PRKCE: variants seen among roughly 807,000 people sequenced by gnomAD.
PRKCE encodes protein kinase C epsilon.
A neutral mutation model predicts 85.4 loss-of-function variants in PRKCE; 16 were observed. The ratio of observed to expected loss-of-function variants is 0.19; its 90% confidence interval spans 0.13 to 0.28. The LOEUF is 0.28. PRKCE is among the 10% of genes least tolerant of loss of function. The probability of loss-of-function intolerance (pLI) is 1.00; values close to 1 mark genes in which losing one functional copy is unlikely to be tolerated. For missense variants in PRKCE, 573 were observed against 975.2 expected (o/e 0.59, Z 5.49); for synonymous variants, 388 against 371.5 (o/e 1.04, Z -0.51).
chr2:45,771,924 G>C (rs1020015334), intron 1 of PRKCE, among the ~76,000 whole-genome samples: 1 of 152,142 alleles, frequency 6.6e-6, no homozygotes, highest in Non-Finnish European at 1.5e-5. Flanking sequence ...GGCATGCTCA[G>C]TCATTGCCAT....
At chr2:45,834,881 T>C (rs139663124) in intron 1 of PRKCE, among the ~76,000 whole-genome samples, 48 of 152,370 alleles carry the variant, frequency 3.2e-4, no homozygotes, top group African/African-American at 1.2e-3. Context: ...TCTAATTATC[T>C]TGTTTTATAT....
intron 11 of PRKCE, among the ~76,000 whole-genome samples, chr2:46,105,654 A>C (rs778852170): frequency 6.6e-6 from 1 of 152,138 alleles, no homozygotes; most frequent in Non-Finnish European, 1.5e-5. Context: ...ATACTCAAGA[A>C]CCACCAGAGA....
rs2104732596 is a variant in PRKCE at position 46,001,976 on chromosome 2, G to A, written c.966+430G>A. Among the ~76,000 whole-genome samples, 1 of 152,288 alleles carries A rather than the reference G, an allele frequency of 6.6e-6. No homozygotes were observed. The highest frequency in any genetic ancestry group is 1.9e-4 in the East Asian group (1 of 5,186). On this transcript the variant is annotated intron_variant, in intron 7 of 14. Transcript: ENST00000306156. This position sits in a 1 kb window ranked among gnomAD's most constrained non-coding sequence, Gnocchi z 4.4. ...TGGAACCACATTCTTTTCTAGGGAG[G>A]AAGCCAAGATGATTTGTGATCATAC...
chr2:46,061,824 ATTTCTTTTCTTTTCT>A (rs529400456), intron 10 of PRKCE, among the ~76,000 whole-genome samples: 31 of 129,292 alleles, frequency 2.4e-4, no homozygotes, highest in African/African-American at 7.0e-4. Context: ...TACGTTAAGT[ATTTCTTTTCTTTTCT>A]TTTCTTTTCT....
At chr2:45,788,284 A>T (rs1686771497) in intron 1 of PRKCE, among the ~76,000 whole-genome samples, 1 of 152,218 alleles carries the variant, frequency 6.6e-6, no homozygotes, top group African/African-American at 2.4e-5. Context: ...TTCAGCTTTC[A>T]TAAAATGGTT....
intron 14 of PRKCE, among the ~76,000 whole-genome samples, chr2:46,171,857 A>G (rs1678933784): frequency 6.6e-6 from 1 of 152,180 alleles, no homozygotes; most frequent in South Asian, 2.1e-4. Flanking sequence ...TCCAGTGGAA[A>G]AGACACCTCA....
At position 46,186,495 on chromosome 2, in the gene PRKCE, A is replaced by ATAAT. The variant is rs1378218778; in HGVS notation, c.*1615_*1618dup. ...AACTTTAGTCTATGAAAGAATAATT[A>ATAAT]TAATAATGTCCAGGTGCAATACTCT... On this transcript the variant is annotated 3_prime_UTR_variant, in exon 15 of 15. Coordinates refer to ENST00000306156, the MANE Select transcript of PRKCE (RefSeq NM_005400.3). 1.3e-5 allele frequency: 2 copies of ATAAT among 152,628 alleles called. No individual in the cohort carries two copies. Among genetic ancestry groups the ATAAT allele is most frequent in the African/African-American group, 4.8e-5 (2 of 41,438 alleles). 9.5% of individuals were successfully genotyped at this position (152,628 alleles called of 1,614,324 possible). A position where few individuals can be genotyped will look rare whatever the true frequency, so the allele number is the denominator to read the frequency against.
At chr2:45,668,431 C>T (rs1391009770) in intron 1 of PRKCE, among the ~76,000 whole-genome samples, 6 of 152,020 alleles carry the variant, frequency 3.9e-5, no homozygotes, top group East Asian at 3.8e-4. Context: ...AAGATATTGT[C>T]GAAGAATCCA....
At chr2:46,143,885 C>T (rs1347084725) in intron 11 of PRKCE, among the ~76,000 whole-genome samples, 1 of 152,168 alleles carries the variant, frequency 6.6e-6, no homozygotes, top group Non-Finnish European at 1.5e-5. Context: ...TGCTTCCTGC[C>T]CCACCTTTGC....
intron 1 of PRKCE, among the ~76,000 whole-genome samples, chr2:45,654,532 G>A (rs1675290815): frequency 6.6e-6 from 1 of 152,234 alleles, no homozygotes; most frequent in South Asian, 2.1e-4. Flanking sequence ...TGGCTTGTCT[G>A]ATGGGGAGCC....
At chr2:46,091,082 T>C (rs1445709422) in intron 11 of PRKCE, among the ~76,000 whole-genome samples, 1 of 152,124 alleles carries the variant, frequency 6.6e-6, no homozygotes, top group Non-Finnish European at 1.5e-5. Context: ...TCTGGTTTCT[T>C]TTCCCCCTAG....
At chr2:45,837,746 C>T (rs761968545) in intron 1 of PRKCE, among the ~76,000 whole-genome samples, 15 of 152,134 alleles carry the variant, frequency 9.9e-5, no homozygotes, top group East Asian at 3.8e-4. Context: ...ACTGTTACCA[C>T]GCCTGTAATC....
intron 10 of PRKCE, among the ~76,000 whole-genome samples, chr2:46,047,783 T>G (rs1419114234): frequency 6.6e-6 from 1 of 152,186 alleles, no homozygotes; most frequent in Non-Finnish European, 1.5e-5. Context: ...AAAAAGATTT[T>G]TTCAATAGGG....
rs989531138 is a variant in PRKCE, at chr2:46,187,392, T to C, written c.*2511T>C. 1 of 152,468 alleles carries C rather than the reference T, an allele frequency of 6.6e-6. No individual in the cohort carries two copies. The highest frequency in any genetic ancestry group is 1.5e-5 in the Non-Finnish European group (1 of 68,036). 9.4% of individuals were successfully genotyped at this position (152,468 alleles called of 1,614,324 possible). A position where few individuals can be genotyped will look rare whatever the true frequency, so the allele number is the denominator to read the frequency against. ...GCCTCTGGCTGGTGAAGTTCTCACATAGGCTGATTTAAATCCAGCAAAGGT... is the reference window on the plus strand; with the variant it reads ...GCCTCTGGCTGGTGAAGTTCTCACACAGGCTGATTTAAATCCAGCAAAGGT... On this transcript the variant is annotated 3_prime_UTR_variant, in exon 15 of 15. Coordinates refer to ENST00000306156, the MANE Select transcript of PRKCE (RefSeq NM_005400.3).
intron 10 of PRKCE, among the ~76,000 whole-genome samples, chr2:46,019,678 T>A (rs1706472259): frequency 6.6e-6 from 1 of 152,146 alleles, no homozygotes; most frequent in African/African-American, 2.4e-5. Context: ...ACTGGTTTCC[T>A]TACGTGTCTT....
At chr2:45,665,895 T>C (rs560353138) in intron 1 of PRKCE, among the ~76,000 whole-genome samples, 1 of 152,314 alleles carries the variant, frequency 6.6e-6, no homozygotes, top group East Asian at 1.9e-4. Flanking sequence ...CTCTTGTCCC[T>C]GTGAGGGCAG....
At chr2:46,035,665 T>C (rs1558987035) in intron 10 of PRKCE, among the ~76,000 whole-genome samples, 1 of 152,256 alleles carries the variant, frequency 6.6e-6, no homozygotes, top group Non-Finnish European at 1.5e-5. Flanking sequence ...CGTGTGTATA[T>C]AGTAGATGGT....
chr2:45,933,981 C>G (rs1699254276), intron 2 of PRKCE, among the ~76,000 whole-genome samples: 1 of 152,158 alleles, frequency 6.6e-6, no homozygotes, highest in Non-Finnish European at 1.5e-5. Flanking sequence ...GAATTTTATC[C>G]AGTGAATTTG....
intron 2 of PRKCE, among the ~76,000 whole-genome samples, chr2:45,888,465 C>CTTTTTTT (rs34871432): frequency 1.6e-3 from 123 of 74,754 alleles, no homozygotes; most frequent in East Asian, 4.1e-3. Flanking sequence ...TCCCAACAGT[C>CTTTTTTT]TTTTTTTTTT....
Sources: gnomAD v4.1 joint callset for allele counts (sites outside exome capture counted in the v4.1 genomes callset) on GRCh38, gnomAD v4.1.1 for gene constraint, Gnocchi (gnomAD v3.1) non-coding constraint, MANE v1.5 for transcripts, NCBI Gene and HGNC (gene_info 2026-07-23, HGNC 2026-07-21) for gene names.